PARK7: variants seen among roughly 807,000 people sequenced by gnomAD.
PARK7 encodes the protein Parkinsonism associated deglycase.
In PARK7, 14 loss-of-function variants were observed where a neutral mutation model predicts 20.5. The observed-to-expected ratio is 0.68, with a 90% confidence interval of 0.45 to 1.07. PARK7 has a LOEUF of 1.07. PARK7 is among the 50% of genes least tolerant of loss of function. The pLI is 0.00. For missense variants in PARK7, 234 were observed against 238.1 expected (o/e 0.98, Z 0.11); for synonymous variants, 98 against 84.3 (o/e 1.16, Z -0.89).
intron 4 of PARK7, 119 bp downstream of exon 4, chr1:7,969,523 C>A: frequency 3.9e-6 from 3 of 761,622 alleles, no homozygotes; most frequent in South Asian, 1.7e-5. Flanking sequence ...CGGGAGGAGG[C>A]TGTGAAAAAA....
At position 7,984,493 on chromosome 1, in the gene PARK7, C is replaced by T. The variant is rs1020620059; in HGVS notation, c.410-401C>T. 1.1e-4 allele frequency among the ~76,000 whole-genome samples: 16 copies of T among 152,146 alleles called. No individual in the cohort carries two copies. Among genetic ancestry groups the T allele is most frequent in the African/African-American group, 2.9e-4 (12 of 41,428 alleles). On this transcript the variant is annotated intron_variant, in intron 6 of 6. Coordinates refer to ENST00000338639, the MANE Select transcript of PARK7 (RefSeq NM_007262.5). The surrounding 1 kb of genome is among the most constrained non-coding windows in gnomAD (Gnocchi z 4.3). ...TTGAGGCATCAGAGGGTGTGCGTGC[C>T]GCCACATGTTGATTGGGGTGGCTTC...
intron 6 of PARK7, 91 bp downstream of exon 6, chr1:7,977,829 G>A: frequency 9.2e-7 from 1 of 1,088,838 alleles, no homozygotes; most frequent in Non-Finnish European, 1.4e-6. Context: ...GCGTGATCTT[G>A]GCTTACTGCA....
At chr1:7,981,273 A>C (rs185077409) in intron 6 of PARK7, among the ~76,000 whole-genome samples, 19 of 152,218 alleles carry the variant, frequency 1.2e-4, no homozygotes, top group Non-Finnish European at 2.8e-4. Context: ...TGGTGAAAAG[A>C]CTTCCCTCAC....
chr1:7,975,712 C>T (rs187418095), intron 5 of PARK7, among the ~76,000 whole-genome samples: 84 of 152,270 alleles, frequency 5.5e-4, no homozygotes, highest in Non-Finnish European at 7.2e-4. Context: ...TTTATTACCA[C>T]CTTGAAGGGA....
chr1:7,978,207 A>G (rs1640628607), intron 6 of PARK7, among the ~76,000 whole-genome samples: 1 of 151,212 alleles, frequency 6.6e-6, no homozygotes. Context: ...CATGTTGGTC[A>G]TGCTGGTCTT....
chr1:7,981,813 C>T (rs1314569739), intron 6 of PARK7, among the ~76,000 whole-genome samples: 1 of 151,852 alleles, frequency 6.6e-6, no homozygotes, highest in Non-Finnish European at 1.5e-5. Context: ...TGCCCGCCAC[C>T]ACGCCTGGCT....
chr1:7,963,451 T>C (rs970730096), intron 2 of PARK7, among the ~76,000 whole-genome samples: 6 of 151,512 alleles, frequency 4.0e-5, no homozygotes, highest in Non-Finnish European at 8.8e-5. Flanking sequence ...TGGTGTGATC[T>C]CTGCTCGCTG....
intron 3 of PARK7, among the ~76,000 whole-genome samples, chr1:7,965,984 A>T (rs534492033): frequency 7.5e-4 from 114 of 152,224 alleles, no homozygotes; most frequent in African/African-American, 2.7e-3. Context: ...TATTTTTTCT[A>T]AAGATACTTT....
At chr1:7,965,962 A>C (rs1465377063) in intron 3 of PARK7, among the ~76,000 whole-genome samples, 1 of 152,166 alleles carries the variant, frequency 6.6e-6, no homozygotes, top group African/African-American at 2.4e-5. Flanking sequence ...GGCATGTGCC[A>C]TGCCCGGCCA....
intron 3 of PARK7, chr1:7,969,070 C>A: frequency 2.6e-6 from 1 of 380,932 alleles, no homozygotes; most frequent in Non-Finnish European, 4.8e-6. Flanking sequence ...ATACATATAT[C>A]CTTGTCTTTT....
chr1:7,977,883 C>T, intron 6 of PARK7, 145 bp downstream of exon 6: 1 of 697,454 alleles, frequency 1.4e-6, no homozygotes, highest in Non-Finnish European at 2.5e-6. Context: ...TCTCAGCCTC[C>T]TGAGTAGCTG....
intron 3 of PARK7, among the ~76,000 whole-genome samples, chr1:7,967,363 G>GGT (rs891750074): frequency 4.6e-5 from 7 of 152,018 alleles, no homozygotes; most frequent in African/African-American, 1.7e-4. Context: ...TGTGACTGTT[G>GGT]GTGTAGTAAA....
In PARK7 at chr1:7,970,959, T is replaced by C; in HGVS notation, c.318T>C (p.Cys106=). The C allele has an allele frequency of 6.2e-7, 1 of 1,614,204 alleles. No individual in the cohort carries two copies. The highest frequency in any genetic ancestry group is 8.5e-7 in the Non-Finnish European group (1 of 1,180,038). The stretch of plus-strand genomic sequence containing the variant: ...GGAAGGGCCTGATAGCCGCCATCTG[T>C]GCAGGTGACGTGCAGGGGCAGCCTG... ...ENRKGLIAAI[C]AGPTALLAHE... The change falls in exon 5 of 7, where the codon TGT becomes TGC. Residue 106 remains cysteine (C), a synonymous_variant. Coordinates refer to ENST00000338639, the MANE Select transcript of PARK7 (RefSeq NM_007262.5).
At position 7,981,965 on chromosome 1, in the gene PARK7, CTTTTTTTTTTT is replaced by C. The variant is rs71567337; in HGVS notation, c.410-2911_410-2901del. ...GAGCCACTATGCCCAGCCCCCCCGC[CTTTTTTTTTTT>C]TTTTTTTTTTTTTTTTTGAGACGGA... On this transcript the variant is annotated intron_variant, in intron 6 of 6. Coordinates refer to ENST00000338639, the MANE Select transcript of PARK7 (RefSeq NM_007262.5). Among the ~76,000 whole-genome samples, 14 of 84,376 alleles carry C rather than the reference CTTTTTTTTTTT, an allele frequency of 1.7e-4. No individual in the cohort carries two copies. In the East Asian group the frequency reaches 2.1e-3, roughly 13 times the overall value. The allele number at this position is 84,376 out of a possible 152,430, so 55.4% of individuals were successfully genotyped here.
At chr1:7,962,640 A>G in intron 1 of PARK7, 123 bp from the exon 2 acceptor site, 7 of 650,672 alleles carry the variant, frequency 1.1e-5, no homozygotes, top group Admixed American at 2.8e-5. Flanking sequence ...TCAGTTGTCT[A>G]TGAAAACCGT....
chr1:7,966,620 C>T (rs1640335964), intron 3 of PARK7, among the ~76,000 whole-genome samples: 1 of 152,166 alleles, frequency 6.6e-6, no homozygotes, highest in East Asian at 1.9e-4. Context: ...ATCACTTGAG[C>T]CTAGACGGTT....
chr1:7,972,962 A>C (rs1640495920), intron 5 of PARK7, among the ~76,000 whole-genome samples: 1 of 152,154 alleles, frequency 6.6e-6, no homozygotes, highest in Admixed American at 6.6e-5. Context: ...AGGCAGGAGA[A>C]TCTATTGAAC....
chr1:7,977,166 T>C (rs1289947970), intron 5 of PARK7, among the ~76,000 whole-genome samples: 1 of 152,164 alleles, frequency 6.6e-6, no homozygotes, highest in East Asian at 1.9e-4. Context: ...CCAGTGATCC[T>C]CCCCCTCCTT....
At chr1:7,977,624 A>G (rs368980727) in intron 5 of PARK7, 28 bp from the exon 6 acceptor site, 3 of 1,588,816 alleles carry the variant, frequency 1.9e-6, no homozygotes, top group Non-Finnish European at 2.6e-6. Context: ...CTATATCTGC[A>G]CTTAGATCTT....
Sources: allele counts gnomAD v4.1 joint callset (sites outside exome capture counted in the v4.1 genomes callset), GRCh38; gene constraint gnomAD v4.1.1; non-coding constraint Gnocchi (gnomAD v3.1); transcripts MANE v1.5; gene names NCBI Gene and HGNC (gene_info 2026-07-23, HGNC 2026-07-21).